The following SRP54 variants were observed in gnomAD, a reference collection of about 807,000 sequenced individuals.
SRP54 encodes the protein signal recognition particle subunit SRP54.
A neutral mutation model predicts 64.8 loss-of-function variants in SRP54; 10 were observed. The ratio of observed to expected loss-of-function variants is 0.15; its 90% CI spans 0.10 to 0.26. The LOEUF is 0.26. Among genes scored for constraint, SRP54 ranks in the 10% least tolerant of loss-of-function variants. The pLI is 1.00. For missense variants in SRP54, 325 were observed against 613.7 expected, an observed-to-expected ratio of 0.53 and a Z score of 4.97; for synonymous variants, 193 against 185.6, an observed-to-expected ratio of 1.04 and a Z score of -0.32.
chr14:34,992,856 T>A (rs1385640353), intron 1 of SRP54, among the ~76,000 whole-genome samples: 1 of 59,366 alleles, frequency 1.7e-5, no homozygotes, highest in African/African-American at 5.0e-5. Context: ...CTAGTATGGC[T>A]TATTTATTTA....
chr14:35,008,283 C>T (rs569693459), intron 5 of SRP54, among the ~76,000 whole-genome samples: 1 of 152,270 alleles, frequency 6.6e-6, no homozygotes, highest in Non-Finnish European at 1.5e-5. Flanking sequence ...GATTTTTCCA[C>T]AAGCTTCACG....
chr14:35,018,867 C>G lies in SRP54; in HGVS notation c.1048-99C>G, dbSNP rs1018936972. 3.5e-6 allele frequency: 5 copies of G among 1,413,838 alleles called. No individual in the cohort carries two copies. In the African/African-American group the frequency reaches 7.2e-5, roughly 20 times the overall value. 87.6% of individuals were successfully genotyped at this position (1,413,838 alleles called of 1,614,324 possible). ...TTTTTACATTCGGGTAAAAATATAT[C>G]TAAGACTTAGTGTCAATATTAAACC... is the stretch of plus-strand genomic sequence containing the variant. On this transcript the variant is annotated intron_variant, in intron 12 of 15. Transcript: ENST00000216774.
chr14:34,987,277 A>G (rs375730215), intron 1 of SRP54, among the ~76,000 whole-genome samples: 3,503 of 120,688 alleles, frequency 0.029, 66 homozygotes, highest in Middle Eastern at 0.045. Context: ...GTGTGTGTGT[A>G]TATATATATA....
intron 8 of SRP54, among the ~76,000 whole-genome samples, chr14:35,013,110 AT>A (rs1277264494): frequency 1.3e-5 from 2 of 151,768 alleles, no homozygotes; most frequent in African/African-American, 4.8e-5. Context: ...TGCCTGGCTA[AT>A]TTTTGTATGC....
intron 1 of SRP54, among the ~76,000 whole-genome samples, chr14:34,988,954 TATACC>T (rs1251513216): frequency 6.6e-6 from 1 of 152,124 alleles, no homozygotes; most frequent in Non-Finnish European, 1.5e-5. Flanking sequence ...AAATAGTTGT[TATACC>T]ATATTTATAT....
rs781380548 is a variant in SRP54, at chr14:35,007,366, T to G, written c.339T>G (p.Gly113=). 38 of 1,589,330 alleles carry G rather than the reference T, an allele frequency of 2.4e-5. No individual in the cohort carries two copies. Among genetic ancestry groups the G allele is most frequent in the Non-Finnish European group, 3.3e-5 (38 of 1,163,622 alleles). The change falls in exon 5 of 16, where the codon GGT becomes GGG. Residue 113 remains glycine, a synonymous_variant. Transcript: ENST00000216774. ...TGTTTGTTGGATTGCAAGGGAGTGG[T>G]AAAACAACAACATGTTCAAAGGTAA... ...VIMFVGLQGS[G]KTTTCSKLAY...
chr14:35,006,587 GTTTTTA>G (rs67995666), intron 4 of SRP54, among the ~76,000 whole-genome samples: 29,851 of 151,892 alleles, frequency 0.2, 3,130 homozygotes, highest in East Asian at 0.38. Context: ...AGTATCACCT[GTTTTTA>G]CTTTTTAAAT....
At chr14:34,998,973 ATGTGTGTGTGTGTGTGTGTG>A (rs34646567) in intron 2 of SRP54, among the ~76,000 whole-genome samples, 10 of 63,698 alleles carry the variant, frequency 1.6e-4, no homozygotes, top group African/African-American at 4.6e-4. Context: ...CTTTGTGTGT[ATGTGTGTGTGTGTGTGTGTG>A]TGTGTGTGTG....
chr14:34,998,554 G>C (rs778512546), intron 2 of SRP54, among the ~76,000 whole-genome samples: 1 of 152,128 alleles, frequency 6.6e-6, no homozygotes, highest in Non-Finnish European at 1.5e-5. Context: ...GCTCACACCT[G>C]TAATCCCAGC....
rs554394491 is a variant in SRP54 at position 35,007,916 on chromosome 14, GA to G, written c.360+530del. Reference sequence around the variant, plus strand: ...AGGAGAGGTCCTCATAGTTTCTTATGATTTTTTTTTTGTAAGAAGGTAGACA... The same window carrying G: ...AGGAGAGGTCCTCATAGTTTCTTATGTTTTTTTTTTGTAAGAAGGTAGACA... On this transcript the variant is annotated intron_variant, in intron 5 of 15. Coordinates refer to ENST00000216774, the MANE Select transcript of SRP54 (RefSeq NM_003136.4). 3.8e-3 allele frequency among the ~76,000 whole-genome samples: 576 copies of G among 150,934 alleles called. 5 individuals carry two copies. The highest frequency in any genetic ancestry group is 0.014 in the African/African-American group (558 of 41,212).
In SRP54 at chr14:34,992,139, A is replaced by ATGTTGG. The variant is rs1566642121; in HGVS notation, c.-33-4538_-33-4537insTGTTGG. 3.0e-3 allele frequency among the ~76,000 whole-genome samples: 457 copies of ATGTTGG among 152,004 alleles called. 3 individuals carry two copies. Among genetic ancestry groups the ATGTTGG allele is most frequent in the African/African-American group, 0.011 (442 of 41,454 alleles). On this transcript the variant is annotated intron_variant, in intron 1 of 15. Coordinates refer to ENST00000216774, the MANE Select transcript of SRP54 (RefSeq NM_003136.4). ...GTAGAGATGGGGTTTCGCCATGTTGACCAGGCTGGCCTTGAACTCCTGACT... is the reference window on the plus strand; with the variant it reads ...GTAGAGATGGGGTTTCGCCATGTTGATGTTGGCCAGGCTGGCCTTGAACTCCTGACT...
intron 14 of SRP54, chr14:35,027,826 TA>T (rs1296127465): frequency 1.7e-5 from 4 of 237,644 alleles, no homozygotes; most frequent in Non-Finnish European, 3.2e-5. Context: ...ATAAATAAAG[TA>T]TTAGCATAAA....
intron 8 of SRP54, 95 bp downstream of exon 8, chr14:35,011,754 C>T: frequency 1.8e-6 from 2 of 1,126,834 alleles, no homozygotes; most frequent in Non-Finnish European, 2.4e-6. Context: ...TTATTCTTTG[C>T]CTGTGAGGCA....
intron 4 of SRP54, among the ~76,000 whole-genome samples, chr14:35,005,607 GCTGGTCTCAAACTC>G (rs1245387420): frequency 6.6e-6 from 1 of 151,870 alleles, no homozygotes; most frequent in Non-Finnish European, 1.5e-5. Flanking sequence ...TGCTGCCCAA[GCTGGTCTCAAACTC>G]CTGGTCTCAA....
chr14:35,008,115 A>G (rs2044296515), intron 5 of SRP54, among the ~76,000 whole-genome samples: 1 of 152,104 alleles, frequency 6.6e-6, no homozygotes, highest in Admixed American at 6.6e-5. Context: ...GTGTATCCTT[A>G]TGCCATATTT....
chr14:35,008,191 G>A (rs1392387712), intron 5 of SRP54, among the ~76,000 whole-genome samples: 2 of 152,080 alleles, frequency 1.3e-5, no homozygotes, highest in Non-Finnish European at 2.9e-5. Flanking sequence ...ATAGCTTACT[G>A]TAGCCTTGAC....
At chr14:35,007,213 G>T in intron 4 of SRP54, 70 bp from the exon 5 acceptor site, 1 of 1,062,064 alleles carries the variant, frequency 9.4e-7, no homozygotes, top group Non-Finnish European at 1.4e-6. Context: ...AAAAAAAGTT[G>T]TGGGGAAGGG....
chr14:35,018,423 G>A (rs143949453), intron 11 of SRP54, among the ~76,000 whole-genome samples: 4 of 152,228 alleles, frequency 2.6e-5, no homozygotes, highest in African/African-American at 9.6e-5. Flanking sequence ...TGTAGTTTAT[G>A]TGCCTTGTTT....
At chr14:35,016,328 T>C (rs757519620) in intron 11 of SRP54, among the ~76,000 whole-genome samples, 6 of 152,268 alleles carry the variant, frequency 3.9e-5, no homozygotes, top group Non-Finnish European at 5.9e-5. Flanking sequence ...TTTTAAAGTT[T>C]TTAACTGATT....
Sources: allele counts gnomAD v4.1 joint callset (sites outside exome capture counted in the v4.1 genomes callset), GRCh38; gene constraint gnomAD v4.1.1; transcripts MANE v1.5; gene names NCBI Gene and HGNC (gene_info 2026-07-23, HGNC 2026-07-21).